Variants in CFAP46 observed in about 807,000 individuals in gnomAD.
CFAP46 encodes cilia- and flagella-associated protein 46.
In CFAP46, 245 loss-of-function variants were observed where a neutral mutation model predicts 325.7. The observed-to-expected ratio is 0.75, with a 90% confidence interval of 0.68 to 0.84. CFAP46 has a LOEUF of 0.84. Ranked by LOEUF, CFAP46 falls within the 40% of genes least tolerant of loss-of-function variation. CFAP46 has a pLI of 0.00. For synonymous variants in CFAP46, 1,523 were observed against 1,495.9 expected (o/e 1.02, Z -0.42); for missense variants, 3,346 against 3,543.0 (o/e 0.94, Z 1.41).
At chr10:132,816,574 C>T (rs910851263) in intron 50 of CFAP46, among the ~76,000 whole-genome samples, 1 of 152,120 alleles carries the variant, frequency 6.6e-6, no homozygotes, top group African/African-American at 2.4e-5. Flanking sequence ...CTTGGGTGAT[C>T]CGCCCACCTT....
chr10:132,820,753 T>TGC (rs1847785715), intron 50 of CFAP46, among the ~76,000 whole-genome samples: 1 of 124,810 alleles, frequency 8.0e-6, no homozygotes, highest in African/African-American at 2.8e-5. Flanking sequence ...GTGCTGTGTG[T>TGC]GCTGATGTGT....
intron 8 of CFAP46, among the ~76,000 whole-genome samples, chr10:132,934,430 A>C (rs1849960341): frequency 1.3e-5 from 2 of 152,210 alleles, no homozygotes; most frequent in African/African-American, 4.8e-5. Context: ...AGCCTGAAAA[A>C]GGCTCCAGAG....
rs776778240 is a variant in CFAP46, at chr10:132,836,888, C to T, written c.6465G>A (p.Glu2155=). 1.2e-6 allele frequency: 2 copies of T among 1,613,940 alleles called. No homozygotes were observed. The highest frequency in any genetic ancestry group is 1.7e-6 in the Non-Finnish European group (2 of 1,179,998). ...TCTCATTCAAGAGGTTAAAATGCTG[C>T]TCAGTGACGCAGAGATTTTGCCAAG... is the stretch of plus-strand genomic sequence containing the variant. ...SKAWQNLCVT[E]QHFNLLNEMP... Residue 2155 remains glutamate, a synonymous_variant, in exon 45 of 58, where the codon GAG becomes GAA. Coordinates refer to ENST00000368586, the MANE Select transcript of CFAP46 (RefSeq NM_001200049.3).
intron 41 of CFAP46, among the ~76,000 whole-genome samples, chr10:132,848,796 T>C (rs1806791): frequency 0.68 from 103,650 of 152,054 alleles, 36,298 homozygotes; most frequent in African/African-American, 0.83. Flanking sequence ...TCGCTGCAAC[T>C]TCTCCCTGTG....
intron 48 of CFAP46, 109 bp from the exon 49 acceptor site, chr10:132,834,232 TC>T: frequency 1.0e-6 from 1 of 979,778 alleles, no homozygotes; most frequent in Non-Finnish European, 1.5e-6. Flanking sequence ...GCACCACGAA[TC>T]CCCACGCTCA....
chr10:132,879,331 C>T, intron 29 of CFAP46, 95 bp downstream of exon 29: 1 of 1,225,198 alleles, frequency 8.2e-7, no homozygotes, highest in Non-Finnish European at 1.1e-6. Flanking sequence ...CTGGGAAAGA[C>T]TCTGACATCT....
chr10:132,876,671 TG>T lies in CFAP46; in HGVS notation c.4362+140del. ...CAGACAGTGGTGCTGGGAGGGCCTG[TG>T]GGAGGCTGGGGGCTGATGGGACTCT... is the stretch of plus-strand genomic sequence containing the variant. On this transcript the variant is annotated intron_variant, in intron 31 of 57. Transcript: ENST00000368586. The surrounding 1 kb of genome is among the most constrained non-coding windows in gnomAD (Gnocchi z 4.1). The T allele has an allele frequency of 2.4e-6, 2 of 828,314 alleles. No homozygotes were observed. Among genetic ancestry groups the T allele is most frequent in the Non-Finnish European group, 3.7e-6 (2 of 543,876 alleles). The allele number at this position is 828,314 out of a possible 1,614,324, so 51.3% of individuals were successfully genotyped here. A position where few individuals can be genotyped will look rare whatever the true frequency, so the allele number is the denominator to read the frequency against.
At chr10:132,813,477 CT>C (rs1847625248) in intron 54 of CFAP46, among the ~76,000 whole-genome samples, 3 of 145,970 alleles carry the variant, frequency 2.1e-5, no homozygotes, top group Admixed American at 6.7e-5. Context: ...CAGTGCCACC[CT>C]CTGCACACAC....
intron 16 of CFAP46, among the ~76,000 whole-genome samples, chr10:132,917,556 G>T (rs1435487625): frequency 6.6e-6 from 1 of 152,186 alleles, no homozygotes; most frequent in Non-Finnish European, 1.5e-5. Context: ...AGCAAATGCC[G>T]AGGTACCATC....
intron 2 of CFAP46, 74 bp from the exon 3 acceptor site, chr10:132,941,796 C>G: frequency 6.3e-7 from 1 of 1,591,232 alleles, no homozygotes; most frequent in South Asian, 1.1e-5. Flanking sequence ...ACCACGGGCC[C>G]GCTTTCAGAA....
chr10:132,821,499 G>A (rs1243020458), intron 50 of CFAP46, among the ~76,000 whole-genome samples: 1 of 144,284 alleles, frequency 6.9e-6, no homozygotes, highest in Non-Finnish European at 1.5e-5. Context: ...GTGCTGATGT[G>A]TGCTGTGTGC....
At chr10:132,883,007 AC>A (rs1849071104) in intron 27 of CFAP46, among the ~76,000 whole-genome samples, 1 of 152,160 alleles carries the variant, frequency 6.6e-6, no homozygotes, top group Non-Finnish European at 1.5e-5. Context: ...AACAGCTACA[AC>A]CATAAAACTC....
Position 132,834,769 on chromosome 10 carries a change from C to G in CFAP46, c.6751G>C (p.Glu2251Gln). ...DMALNIGSEP[E>Q]GLQVEEKERP... ...TCCTTCTCTTCCACCTGCAGGCCTT[C>G]TGGTTCCTACCGCAATCCAAAAAAG... Residue 2251 changes from glutamate (E) to glutamine (Q), a missense_variant, in exon 48 of 58, where the codon GAA becomes CAA. By Grantham distance (29) the Glu-to-Gln change is conservative. Transcript: ENST00000368586. The G allele has an allele frequency of 6.2e-7, 1 of 1,611,074 alleles. No individual in the cohort carries two copies.
chr10:132,847,103 C>T lies in CFAP46; in HGVS notation c.6096G>A (p.Met2032Ile). 4.3e-6 allele frequency: 7 copies of T among 1,610,618 alleles called. No individual in the cohort carries two copies. Among genetic ancestry groups the T allele is most frequent in the Non-Finnish European group, 5.9e-6 (7 of 1,178,956 alleles). ...CRRGEDLKRR[M>I]VLAQQYLAQA... is the part of the protein sequence containing the mutation. Reference sequence around the variant, plus strand: ...GAGCCAGGTACTGCTGGGCCAGAACCATCCTCCTCTGTGGGGCACAAGGCT... The same window carrying T: ...GAGCCAGGTACTGCTGGGCCAGAACTATCCTCCTCTGTGGGGCACAAGGCT... Residue 2032 changes from methionine to isoleucine, a missense_variant, in exon 43 of 58, where the codon ATG becomes ATA. Transcript: ENST00000368586. The surrounding 1 kb of genome is among the most constrained non-coding windows in gnomAD (Gnocchi z 5.2).
intron 2 of CFAP46, 34 bp from the exon 3 acceptor site, chr10:132,941,756 C>T: frequency 1.9e-6 from 3 of 1,612,090 alleles, no homozygotes; most frequent in Non-Finnish European, 2.5e-6. Context: ...AGATCACAGA[C>T]CCGGAGGGGT....
At position 132,882,866 on chromosome 10, in the gene CFAP46, G is replaced by A. The variant is rs369164152; in HGVS notation, c.3628-1834C>T. Among the ~76,000 whole-genome samples, 6 of 152,218 alleles carry A rather than the reference G, an allele frequency of 3.9e-5. 1 individual carries two copies. The highest frequency in any genetic ancestry group is 1.4e-4 in the African/African-American group (6 of 41,522). The stretch of plus-strand genomic sequence containing the variant: ...TCCCACAAAAGCTGTGTACGCGGGG[G>A]AGGGCCTTGGCCCTGATGGGAGGTT... On this transcript the variant is annotated intron_variant, in intron 27 of 57. Transcript: ENST00000368586.
chr10:132,859,199 T>C lies in CFAP46; in HGVS notation c.5247A>G (p.Glu1749=), dbSNP rs1156529084. 4 of 1,550,240 alleles carry C rather than the reference T, an allele frequency of 2.6e-6. No homozygotes were observed. In the Admixed American group the frequency reaches 5.9e-5, roughly 23 times the overall value. ...VRVAQHSAVT[E]PTECSLLLKE... The stretch of plus-strand genomic sequence containing the variant: ...TCAGTAGCAACGAGCACTCTGTGGG[T>C]TCAGTGACCGCTGAGTGCTGCGCAA... The change falls in exon 38 of 58, where the codon GAA becomes GAG. Residue 1749 remains glutamate, a synonymous_variant. Coordinates refer to ENST00000368586, the MANE Select transcript of CFAP46 (RefSeq NM_001200049.3).
At chr10:132,878,893 G>C (rs972433305) in intron 29 of CFAP46, among the ~76,000 whole-genome samples, 5 of 152,220 alleles carry the variant, frequency 3.3e-5, no homozygotes, top group Non-Finnish European at 7.3e-5. Context: ...AGACGCACGG[G>C]GAGGCCCCCG....
chr10:132,817,874 G>GTCGGCCGCGC lies in CFAP46; in HGVS notation c.7118-2970_7118-2961dup, dbSNP rs1356959503. On this transcript the variant is annotated intron_variant, in intron 50 of 57. Transcript: ENST00000368586. The surrounding 1 kb of genome is among the most constrained non-coding windows in gnomAD (Gnocchi z 4.4). ...GGGTCACTGGGTCACAGTGAACGGCGTCGGCCGCGCTCTGCCTGGAGGCTC... is the reference window on the plus strand; with the variant it reads ...GGGTCACTGGGTCACAGTGAACGGCGTCGGCCGCGCTCGGCCGCGCTCTGCCTGGAGGCTC... Among the ~76,000 whole-genome samples the GTCGGCCGCGC allele has an allele frequency of 6.6e-6, 1 of 152,236 alleles. No homozygotes were observed. Among genetic ancestry groups the GTCGGCCGCGC allele is most frequent in the Non-Finnish European group, 1.5e-5 (1 of 68,040 alleles).
Sources: allele counts gnomAD v4.1 joint callset (sites outside exome capture counted in the v4.1 genomes callset), GRCh38; gene constraint gnomAD v4.1.1; non-coding constraint Gnocchi (gnomAD v3.1); transcripts MANE v1.5; gene names NCBI Gene and HGNC (gene_info 2026-07-23, HGNC 2026-07-21).